RIMS2: variants seen among roughly 807,000 people sequenced by gnomAD.
RIMS2 encodes regulating synaptic membrane exocytosis 2, also known as regulating synaptic membrane exocytosis protein 2.
RIMS2 carries 59 observed loss-of-function variants against 174.4 expected under a neutral mutation model. The observed-to-expected ratio is 0.34, with a 90% CI of 0.27 to 0.42. The LOEUF is 0.42. Ranked by LOEUF, RIMS2 falls within the 10% of genes least tolerant of loss-of-function variation. The pLI is 1.00. For missense variants in RIMS2, 1,620 were observed against 1,666.3 expected (o/e 0.97, Z 0.48); for synonymous variants, 606 against 572.5 (o/e 1.06, Z -0.84).
At chr8:104,209,452 T>A (rs1453711362) in intron 19 of RIMS2, among the ~76,000 whole-genome samples, 1 of 152,186 alleles carries the variant, frequency 6.6e-6, no homozygotes, top group Non-Finnish European at 1.5e-5. Flanking sequence ...AAGAGAACTA[T>A]CTTCAAGACT....
intron 1 of RIMS2, among the ~76,000 whole-genome samples, chr8:103,546,873 C>T (rs970424958): frequency 6.6e-6 from 1 of 152,192 alleles, no homozygotes; most frequent in South Asian, 2.1e-4. Flanking sequence ...TGCTTTTCAT[C>T]TGTGCCTTTA....
chr8:103,977,487 T>A (rs2093551567), intron 16 of RIMS2: 1 of 152,232 alleles, frequency 6.6e-6, no homozygotes, highest in African/African-American at 2.4e-5. Context: ...ATGTTTTTGT[T>A]CTTTGTACAT....
At chr8:103,873,776 A>G (rs967273667) in intron 3 of RIMS2, among the ~76,000 whole-genome samples, 4 of 152,134 alleles carry the variant, frequency 2.6e-5, no homozygotes, top group Non-Finnish European at 5.9e-5. Flanking sequence ...TACAGCATAT[A>G]TAAAGGTGCC....
At chr8:103,937,013 G>T (rs921556680) in intron 13 of RIMS2, among the ~76,000 whole-genome samples, 2 of 151,996 alleles carry the variant, frequency 1.3e-5, no homozygotes, top group Non-Finnish European at 2.9e-5. Flanking sequence ...CAGGAGAATG[G>T]CGTGAGCCCG....
At chr8:104,167,681 G>A (rs2135240489) in intron 19 of RIMS2, among the ~76,000 whole-genome samples, 1 of 152,046 alleles carries the variant, frequency 6.6e-6, no homozygotes, top group African/African-American at 2.4e-5. Flanking sequence ...TAGTTTAACT[G>A]GGTCCCACCT....
intron 1 of RIMS2, among the ~76,000 whole-genome samples, chr8:103,635,851 C>G (rs1296309959): frequency 1.3e-5 from 2 of 152,054 alleles, no homozygotes; most frequent in Non-Finnish European, 2.9e-5. Context: ...GGCAGCCTAC[C>G]CCTTCCTCTA....
chr8:104,132,915 A>G (rs1566601173), intron 19 of RIMS2, among the ~76,000 whole-genome samples: 2 of 152,212 alleles, frequency 1.3e-5, no homozygotes, highest in South Asian at 4.1e-4. Flanking sequence ...TGCTGTTTTC[A>G]GGTATCACCC....
intron 19 of RIMS2, among the ~76,000 whole-genome samples, chr8:104,159,193 A>G (rs1013864139): frequency 6.6e-6 from 1 of 152,178 alleles, no homozygotes; most frequent in African/African-American, 2.4e-5. Flanking sequence ...TTTGTCAAAG[A>G]TGAGATGGTT....
In RIMS2 at chr8:103,934,421, T is replaced by C. The variant is rs891243082; in HGVS notation, c.2376-2130T>C. On this transcript the variant is annotated intron_variant, in intron 12 of 23. Coordinates refer to ENST00000504942, the Ensembl canonical transcript of RIMS2. ...ATTCTAAAGGCTTTATTTATACTTCTAGAGAAAGTAAAACTCATTTTTTTA... is the reference window on the plus strand; with the variant it reads ...ATTCTAAAGGCTTTATTTATACTTCCAGAGAAAGTAAAACTCATTTTTTTA... Among the ~76,000 whole-genome samples the C allele has an allele frequency of 3.9e-5, 6 of 152,168 alleles. 1 individual carries two copies. The highest frequency in any genetic ancestry group is 1.2e-4 in the African/African-American group (5 of 41,454).
At chr8:103,782,764 T>A (rs1020387590) in intron 3 of RIMS2, among the ~76,000 whole-genome samples, 3 of 152,166 alleles carry the variant, frequency 2.0e-5, no homozygotes, top group African/African-American at 7.2e-5. Flanking sequence ...CATTTCTGTC[T>A]ATGTTTAAGA....
intron 3 of RIMS2, among the ~76,000 whole-genome samples, chr8:103,840,851 T>C (rs1258415588): frequency 6.6e-6 from 1 of 152,172 alleles, no homozygotes; most frequent in Admixed American, 6.5e-5. Context: ...GAAGGTACAC[T>C]TGTTATTTTG....
intron 19 of RIMS2, among the ~76,000 whole-genome samples, chr8:104,133,533 G>C (rs1258792475): frequency 6.6e-6 from 1 of 152,126 alleles, no homozygotes; most frequent in Non-Finnish European, 1.5e-5. Flanking sequence ...TTTTTCCCAA[G>C]TACAATGAGA....
chr8:103,754,948 T>C (rs2097960799), intron 2 of RIMS2, among the ~76,000 whole-genome samples: 2 of 152,226 alleles, frequency 1.3e-5, no homozygotes, highest in Admixed American at 1.3e-4. Flanking sequence ...AATATTGTTA[T>C]GTGTGAATTT....
chr8:103,653,370 G>A (rs931971674), intron 1 of RIMS2, among the ~76,000 whole-genome samples: 8 of 152,142 alleles, frequency 5.3e-5, no homozygotes, highest in African/African-American at 1.9e-4. Context: ...TTTTAATTTT[G>A]TGCAAGCAAT....
intron 2 of RIMS2, among the ~76,000 whole-genome samples, chr8:103,717,997 C>A (rs1175947871): frequency 6.6e-6 from 1 of 151,606 alleles, no homozygotes; most frequent in African/African-American, 2.4e-5. Context: ...AATCCTAAGT[C>A]TAGACAGCAA....
intron 2 of RIMS2, among the ~76,000 whole-genome samples, chr8:103,752,887 C>T (rs1490310138): frequency 6.6e-6 from 1 of 152,110 alleles, no homozygotes; most frequent in Admixed American, 6.6e-5. Flanking sequence ...CAAACAGGGA[C>T]AATTTGACTT....
chr8:103,903,053 A>T (rs1417208378), intron 4 of RIMS2, among the ~76,000 whole-genome samples: 2 of 152,162 alleles, frequency 1.3e-5, no homozygotes, highest in African/African-American at 4.8e-5. Flanking sequence ...AATGTTCCCT[A>T]CCTAATTAGA....
intron 19 of RIMS2, among the ~76,000 whole-genome samples, chr8:104,213,600 G>A (rs1377861008): frequency 6.6e-6 from 1 of 152,104 alleles, no homozygotes; most frequent in Non-Finnish European, 1.5e-5. Flanking sequence ...GAATGGGCCG[G>A]GTGCAGTGGC....
At chr8:103,553,520 A>T (rs751752994) in intron 1 of RIMS2, among the ~76,000 whole-genome samples, 14 of 152,124 alleles carry the variant, frequency 9.2e-5, no homozygotes, top group Non-Finnish European at 1.3e-4. Context: ...TGGGTGCAGC[A>T]CACCAACATG....
Sources: allele counts gnomAD v4.1 joint callset (sites outside exome capture counted in the v4.1 genomes callset), GRCh38; gene constraint gnomAD v4.1.1; transcripts MANE v1.5; gene names NCBI Gene and HGNC (gene_info 2026-07-23, HGNC 2026-07-21).